ALDH2: variants seen among roughly 807,000 people sequenced by gnomAD.
The protein encoded by ALDH2 is aldehyde dehydrogenase 2 family member.
In ALDH2, 44 loss-of-function variants were observed where a neutral mutation model predicts 59.6. The ratio of observed to expected loss-of-function variants is 0.74; its 90% CI spans 0.58 to 0.95. The LOEUF (loss-of-function observed/expected upper bound fraction) is 0.95, where lower values mean the gene tolerates loss of function less well. ALDH2 is among the 40% of genes least tolerant of loss of function. The probability of loss-of-function intolerance (pLI) is 0.00; values close to 1 mark genes in which losing one functional copy is unlikely to be tolerated. For synonymous variants in ALDH2, 291 were observed against 284.0 expected, an observed-to-expected ratio of 1.02 and a Z score of -0.25; for missense variants, 570 against 696.3, an observed-to-expected ratio of 0.82 and a Z score of 2.04.
At chr12:111,804,724 G>A (rs1243572766) in intron 12 of ALDH2, among the ~76,000 whole-genome samples, 3 of 147,772 alleles carry the variant, frequency 2.0e-5, no homozygotes, top group Non-Finnish European at 4.4e-5. Flanking sequence ...TCCAGCCTGG[G>A]CAACAGAGCG....
At chr12:111,801,147 C>G (rs1284686008) in intron 11 of ALDH2, among the ~76,000 whole-genome samples, 1 of 152,216 alleles carries the variant, frequency 6.6e-6, no homozygotes, top group African/African-American at 2.4e-5. Flanking sequence ...AAGCATGTCT[C>G]ACGTGGTGGC....
chr12:111,774,682 C>A (rs1412450892), intron 1 of ALDH2, among the ~76,000 whole-genome samples: 1 of 152,092 alleles, frequency 6.6e-6, no homozygotes, highest in Admixed American at 6.5e-5. Context: ...TCATTGGAGA[C>A]CCTGGGCAGA....
At chr12:111,785,574 A>G (rs745970599) in intron 4 of ALDH2, among the ~76,000 whole-genome samples, 11 of 152,048 alleles carry the variant, frequency 7.2e-5, no homozygotes, top group Non-Finnish European at 1.3e-4. Context: ...AAATACAAAA[A>G]TTAGCTGGGC....
intron 9 of ALDH2, among the ~76,000 whole-genome samples, chr12:111,795,549 C>T (rs1182416290): frequency 1.3e-5 from 2 of 150,412 alleles, no homozygotes; most frequent in East Asian, 4.0e-4. Flanking sequence ...TCCCAAAGTG[C>T]TGAGATTACA....
chr12:111,804,400 G>A (rs1291820315), intron 12 of ALDH2, among the ~76,000 whole-genome samples: 2 of 152,190 alleles, frequency 1.3e-5, no homozygotes, highest in East Asian at 1.9e-4. Context: ...TTCAGGGGGC[G>A]GAGCGGAGAG....
chr12:111,792,099 C>T lies in ALDH2; in HGVS notation c.834C>T (p.Asn278=), dbSNP rs1160645768. Reference sequence around the variant, plus strand: ...TCCAGGTTGCTGCTGGGAGCAGCAACCTCAAGAGAGTGACCTTGGAGCTGG... The same window carrying T: ...TCCAGGTTGCTGCTGGGAGCAGCAATCTCAAGAGAGTGACCTTGGAGCTGG... ...RVIQVAAGSS[N]LKRVTLELGG... The change falls in exon 8 of 13, where the codon AAC becomes AAT. Residue 278 remains asparagine, a synonymous_variant. Transcript: ENST00000261733. The T allele has an allele frequency of 3.7e-6, 6 of 1,609,648 alleles. No homozygotes were observed. The highest frequency in any genetic ancestry group is 1.3e-5 in the African/African-American group (1 of 74,518).
At chr12:111,806,971 AAAAC>A (rs950993346) in intron 12 of ALDH2, among the ~76,000 whole-genome samples, 61 of 149,094 alleles carry the variant, frequency 4.1e-4, no homozygotes, top group African/African-American at 1.5e-3. Context: ...TCTGTCTCAA[AAAAC>A]AAACAAACAG....
At chr12:111,804,058 T>G in intron 12 of ALDH2, 85 bp downstream of exon 12, 1 of 925,864 alleles carries the variant, frequency 1.1e-6, no homozygotes, top group Non-Finnish European at 1.6e-6. Context: ...GGGATTGGGG[T>G]CTGTTGGGGG....
intron 1 of ALDH2, among the ~76,000 whole-genome samples, chr12:111,780,306 G>T (rs916853293): frequency 1.3e-5 from 2 of 152,226 alleles, no homozygotes; most frequent in Admixed American, 1.3e-4. Context: ...TCCCCCAGAT[G>T]TGGCTTGGTT....
intron 11 of ALDH2, among the ~76,000 whole-genome samples, chr12:111,802,710 T>C (rs1217445721): frequency 7.9e-5 from 11 of 139,894 alleles, no homozygotes; most frequent in East Asian, 2.2e-4. Flanking sequence ...GAAACCCCGT[T>C]TCTACTAAAA....
chr12:111,803,338 C>T (rs180730623), intron 11 of ALDH2, among the ~76,000 whole-genome samples: 1 of 151,278 alleles, frequency 6.6e-6, no homozygotes, highest in Admixed American at 6.6e-5. Context: ...TGGCTCATAC[C>T]AGTAATCCCA....
At position 111,811,333 on chromosome 12, in the gene ALDH2, G is replaced by C. The variant is rs1015264190; in HGVS notation, c.*1758G>C. The stretch of plus-strand genomic sequence containing the variant: ...CATTGTACTCCAGCCTGGGCAACAA[G>C]AGAGAAACTCCGTCTCAAAATATAA... On this transcript the variant is annotated 3_prime_UTR_variant, in exon 13 of 13. Transcript: ENST00000261733. The C allele has an allele frequency of 6.6e-6, 1 of 152,042 alleles. No homozygotes were observed. The highest frequency in any genetic ancestry group is 1.5e-5 in the Non-Finnish European group (1 of 68,064). 9.4% of individuals were successfully genotyped at this position (152,042 alleles called of 1,614,324 possible).
At position 111,803,953 on chromosome 12, in the gene ALDH2, G is replaced by A; in HGVS notation, c.1501G>A (p.Ala501Thr). Reference sequence around the variant, plus strand: ...GGAGTTGGGCGAGTACGGGCTGCAGGCATACACTGAAGTGAAAACTGTGAG... The same window carrying A: ...GGAGTTGGGCGAGTACGGGCTGCAGACATACACTGAAGTGAAAACTGTGAG... ...GRELGEYGLQ[A>T]YTEVKTVTVK... The change falls in exon 12 of 13, where the codon GCA becomes ACA. Residue 501 changes from alanine to threonine, a missense_variant. Transcript: ENST00000261733. 1 of 1,610,810 alleles carries A rather than the reference G, an allele frequency of 6.2e-7. No homozygotes were observed. The highest frequency in any genetic ancestry group is 1.1e-5 in the South Asian group (1 of 90,560).
At position 111,803,922 on chromosome 12, in the gene ALDH2, T is replaced by C. The variant is rs750466695; in HGVS notation, c.1470T>C (p.Ser490=). 4.3e-6 allele frequency: 7 copies of C among 1,612,382 alleles called. No individual in the cohort carries two copies. The African/African-American group carries it at 5.4e-5, about 12-fold the overall frequency. ...SPFGGYKMSG[S]GRELGEYGLQ... is the part of the protein sequence containing the mutation. ...TTGGTGGCTACAAGATGTCGGGGAGTGGCCGGGAGTTGGGCGAGTACGGGC... is the reference window on the plus strand; with the variant it reads ...TTGGTGGCTACAAGATGTCGGGGAGCGGCCGGGAGTTGGGCGAGTACGGGC... Residue 490 remains serine, a synonymous_variant, in exon 12 of 13, where the codon AGT becomes AGC. Coordinates refer to ENST00000261733, the MANE Select transcript of ALDH2 (RefSeq NM_000690.4).
chr12:111,791,709 G>T (rs2068360814), intron 7 of ALDH2, among the ~76,000 whole-genome samples: 1 of 152,110 alleles, frequency 6.6e-6, no homozygotes, highest in East Asian at 1.9e-4. Context: ...AAGCATCTTG[G>T]CCAGGTCAGA....
intron 4 of ALDH2, among the ~76,000 whole-genome samples, chr12:111,789,017 C>CTTTTTTTTTT (rs1224537015): frequency 8.0e-6 from 1 of 125,164 alleles, no homozygotes; most frequent in African/African-American, 2.9e-5. Context: ...TCTTTCTTTT[C>CTTTTTTTTTT]TTTTTTTTTT....
chr12:111,786,090 A>G (rs765793259), intron 4 of ALDH2, among the ~76,000 whole-genome samples: 3 of 152,146 alleles, frequency 2.0e-5, no homozygotes, highest in Non-Finnish European at 1.5e-5. Context: ...TTTTCAAAGA[A>G]CCAAACTTTT....
chr12:111,807,039 G>A (rs573670930), intron 12 of ALDH2, among the ~76,000 whole-genome samples: 40 of 151,648 alleles, frequency 2.6e-4, no homozygotes, highest in Non-Finnish European at 5.1e-4. Flanking sequence ...GGCCGAGGTG[G>A]GCGAATCACA....
intron 1 of ALDH2, among the ~76,000 whole-genome samples, chr12:111,777,693 C>T (rs1464706336): frequency 6.6e-6 from 1 of 152,104 alleles, no homozygotes; most frequent in African/African-American, 2.4e-5. Flanking sequence ...CTTTCAGAGT[C>T]GGGGAGTAAA....
Sources: gnomAD v4.1 joint callset for allele counts (sites outside exome capture counted in the v4.1 genomes callset) on GRCh38, gnomAD v4.1.1 for gene constraint, MANE v1.5 for transcripts, NCBI Gene and HGNC (gene_info 2026-07-23, HGNC 2026-07-21) for gene names.